KCNH2: variants seen among roughly 807,000 people sequenced by gnomAD.
The protein encoded by KCNH2 is voltage-gated inwardly rectifying potassium channel KCNH2.
A neutral mutation model predicts 95.9 loss-of-function variants in KCNH2; 35 were observed. That is an observed-to-expected ratio of 0.37 (90% CI 0.28 to 0.48). KCNH2 has a LOEUF of 0.48. KCNH2 is among the 20% of genes least tolerant of loss of function. KCNH2 has a pLI of 0.99. For missense variants in KCNH2, 1,274 were observed against 1,702.9 expected (o/e 0.75, Z 4.43); for synonymous variants, 786 against 754.7 (o/e 1.04, Z -0.68).
At chr7:150,955,601 C>A in intron 5 of KCNH2, 1 of 1,440,250 alleles carries the variant, frequency 6.9e-7, no homozygotes, top group South Asian at 1.5e-5. Context: ...CAGGCTGCAC[C>A]CCCGAGGCTG....
intron 1 of KCNH2, among the ~76,000 whole-genome samples, chr7:150,977,589 C>T (rs972949786): frequency 6.6e-6 from 1 of 152,162 alleles, no homozygotes; most frequent in African/African-American, 2.4e-5. Flanking sequence ...CACACACACT[C>T]CGATCCCAAA....
At chr7:150,968,946 G>C (rs1255384710) in intron 2 of KCNH2, among the ~76,000 whole-genome samples, 1 of 152,178 alleles carries the variant, frequency 6.6e-6, no homozygotes, top group African/African-American at 2.4e-5. Flanking sequence ...CTGCTTTGTG[G>C]GTGTCTGTCA....
intron 1 of KCNH2, among the ~76,000 whole-genome samples, chr7:150,976,112 T>C (rs890625188): frequency 1.3e-5 from 2 of 152,246 alleles, no homozygotes; most frequent in Non-Finnish European, 2.9e-5. Flanking sequence ...TCCGGCCACT[T>C]TGGCCTGTAA....
chr7:150,955,805 G>A lies in KCNH2; in HGVS notation c.1128+1486C>T, dbSNP rs1236490273. 4.4e-5 allele frequency: 51 copies of A among 1,151,708 alleles called. No individual in the cohort carries two copies. The South Asian group carries it at 1.1e-3, about 24-fold the overall frequency. The allele number at this position is 1,151,708 out of a possible 1,614,324, so 71.3% of individuals were successfully genotyped here. ...CGCCAGCCCAGCAGCGGCCGCACTC[G>A]GAACCTCAGCTCCTCCAGCCGGCCC... On this transcript the variant is annotated intron_variant, in intron 5 of 14. Coordinates refer to ENST00000262186, the MANE Select transcript of KCNH2 (RefSeq NM_000238.4).
rs141778021 is a variant in KCNH2 at position 150,960,374 on chromosome 7, C to A, written c.308-638G>T. On this transcript the variant is annotated intron_variant, in intron 2 of 14. Coordinates refer to ENST00000262186, the MANE Select transcript of KCNH2 (RefSeq NM_000238.4). ...TGTGATACACATAATGTATATAATT[C>A]TTTTCTCATGAGTTATAAAGATTAA... Among the ~76,000 whole-genome samples, 418 of 152,212 alleles carry A rather than the reference C, an allele frequency of 2.7e-3. 2 individuals carry two copies. The highest frequency in any genetic ancestry group is 9.8e-3 in the African/African-American group (406 of 41,526).
At chr7:150,966,956 G>T (rs1355365888) in intron 2 of KCNH2, among the ~76,000 whole-genome samples, 2 of 152,098 alleles carry the variant, frequency 1.3e-5, no homozygotes, top group African/African-American at 4.8e-5. Flanking sequence ...TTCTTTCCAA[G>T]AATTCAATAA....
At chr7:150,973,759 GCTCA>G (rs1801897867) in intron 2 of KCNH2, among the ~76,000 whole-genome samples, 1 of 152,234 alleles carries the variant, frequency 6.6e-6, no homozygotes, top group African/African-American at 2.4e-5. Context: ...AGCAGAGCGT[GCTCA>G]CTGTCTACAG....
chr7:150,977,762 G>T, intron 1 of KCNH2, 76 bp downstream of exon 1: 1 of 1,219,362 alleles, frequency 8.2e-7, no homozygotes. Context: ...GCCCGGGCAC[G>T]CCCCCCCATC....
chr7:150,948,851 C>T lies in KCNH2; in HGVS notation c.2592+5G>A, dbSNP rs1318021622. 5 of 1,614,102 alleles carry T rather than the reference C, an allele frequency of 3.1e-6. No individual in the cohort carries two copies. ...ATGGGGTCCAGCTCAGGGCAGCCAA[C>T]TCACATCTCGCAGGTTGAAGGTGAT... On this transcript the variant is annotated splice_donor_5th_base_variant and intron_variant, in intron 10 of 14. Coordinates refer to ENST00000262186, the MANE Select transcript of KCNH2 (RefSeq NM_000238.4).
At chr7:150,951,340 C>G (rs2116958044) in intron 7 of KCNH2, 108 bp downstream of exon 7, 1 of 1,267,332 alleles carries the variant, frequency 7.9e-7, no homozygotes, top group South Asian at 1.2e-5. Flanking sequence ...CCCCTGGAGT[C>G]TCTAAGTTCC....
intron 5 of KCNH2, among the ~76,000 whole-genome samples, chr7:150,953,632 A>G (rs572307578): frequency 6.6e-6 from 1 of 152,330 alleles, no homozygotes; most frequent in African/African-American, 2.4e-5. Context: ...AGACAGAGGC[A>G]GGCTGGCCAT....
At chr7:150,955,495 GGCC>G (rs1229605298) in intron 5 of KCNH2, 1 of 1,547,614 alleles carries the variant, frequency 6.5e-7, no homozygotes, top group African/African-American at 1.4e-5. Context: ...TCCCGGCTGG[GGCC>G]GCCATGGAGG....
intron 13 of KCNH2, 116 bp downstream of exon 13, chr7:150,947,212 G>A (rs1260729751): frequency 7.8e-6 from 9 of 1,147,628 alleles, no homozygotes; most frequent in Middle Eastern, 2.9e-4. Context: ...AGGAATGGAA[G>A]AAGGGGATCC....
At chr7:150,963,488 A>T (rs1801621745) in intron 2 of KCNH2, among the ~76,000 whole-genome samples, 1 of 152,128 alleles carries the variant, frequency 6.6e-6, no homozygotes, top group Admixed American at 6.5e-5. Flanking sequence ...AGAGGCAGAC[A>T]AGGGTGGAGG....
rs773783499 is a variant in KCNH2 at position 150,951,745 on chromosome 7, G to A, written c.1648C>T (p.Leu550=). 61 of 1,610,940 alleles carry A rather than the reference G, an allele frequency of 3.8e-5. No individual in the cohort carries two copies. The highest frequency in any genetic ancestry group is 4.4e-5 in the Non-Finnish European group (52 of 1,177,356). The part of the protein sequence containing the change: ...DRYSEYGAAV[L]FLLMCTFALI... ...GCAAAGGTGCACATGAGCAAGAACA[G>A]CACGGCCGCGCCGTACTCTGAGTAG... The change falls in exon 7 of 15, where the codon CTG becomes TTG. Residue 550 remains leucine, a synonymous_variant. Transcript: ENST00000262186.
rs199473498 is a variant in KCNH2 at position 150,959,718 on chromosome 7, A to T, written c.326T>A (p.Leu109Gln). ...YRKDGSCFLC[L>Q]VDVVPVKNED... is the part of the protein sequence containing the mutation. ...GTTCTTCACGGGCACCACATCCACC[A>T]GACATAGGAAGCAGCTCCCTGCAGA... Residue 109 changes from leucine (L) to glutamine (Q), a missense_variant, in exon 3 of 15, where the codon CTG becomes CAG. This residue lies in a region of KCNH2 where 85 missense variants were observed against 174.7 expected (regional missense o/e 0.49). Coordinates refer to ENST00000262186, the MANE Select transcript of KCNH2 (RefSeq NM_000238.4). 1 of 1,614,062 alleles carries T rather than the reference A, an allele frequency of 6.2e-7. No individual in the cohort carries two copies. The highest frequency in any genetic ancestry group is 1.3e-5 in the African/African-American group (1 of 74,930).
At chr7:150,971,632 CG>C (rs1042247730) in intron 2 of KCNH2, among the ~76,000 whole-genome samples, 1 of 151,598 alleles carries the variant, frequency 6.6e-6, no homozygotes, top group African/African-American at 2.4e-5. Context: ...AGCAAGGTTC[CG>C]GGGTGCTGAG....
rs1213826124 is a variant in KCNH2 at position 150,951,491 on chromosome 7, G to C, written c.1902C>G (p.Thr634=). 1 of 1,614,132 alleles carries C rather than the reference G, an allele frequency of 6.2e-7. No homozygotes were observed. Among genetic ancestry groups the C allele is most frequent in the East Asian group, 2.2e-5 (1 of 44,896 alleles). Residue 634 remains threonine (T), a synonymous_variant, in exon 7 of 15, where the codon ACC becomes ACG. Coordinates refer to ENST00000262186, the MANE Select transcript of KCNH2 (RefSeq NM_000238.4). ...SVGFGNVSPN[T]NSEKIFSICV... is the part of the protein sequence containing the mutation. Reference sequence around the variant, plus strand: ...AGATGGAGAAGATCTTCTCTGAGTTGGTGTTGGGAGAGACGTTGCCGAAGC... The same window carrying C: ...AGATGGAGAAGATCTTCTCTGAGTTCGTGTTGGGAGAGACGTTGCCGAAGC...
chr7:150,951,195 C>T lies in KCNH2; in HGVS notation c.1946-75G>A, dbSNP rs1563155726. 1.8e-5 allele frequency: 24 copies of T among 1,303,772 alleles called. No homozygotes were observed. In the Admixed American group the frequency reaches 2.8e-4, roughly 15 times the overall value. The allele number at this position is 1,303,772 out of a possible 1,614,324, so 80.8% of individuals were successfully genotyped here. On this transcript the variant is annotated intron_variant, in intron 7 of 14. Transcript: ENST00000262186. ...ACCCACAGGGACCCTGCTCAGGCCC[C>T]GCACCAGGTCAGTGTCTCAGTCTCA...
Sources: allele counts gnomAD v4.1 joint callset (sites outside exome capture counted in the v4.1 genomes callset), GRCh38; gene constraint gnomAD v4.1.1; regional missense constraint gnomAD v4.1.1; transcripts MANE v1.5; gene names NCBI Gene and HGNC (gene_info 2026-07-23, HGNC 2026-07-21).